HDAC4: variants seen among roughly 807,000 people sequenced by gnomAD.
HDAC4 encodes the protein histone deacetylase A.
Under a neutral mutation model 135.1 loss-of-function variants are expected in HDAC4, and 16 were observed. That is an observed-to-expected ratio of 0.12 (90% CI 0.08 to 0.18). The LOEUF is 0.18. HDAC4 is among the 10% of genes least tolerant of loss of function. HDAC4 has a pLI of 1.00. For synonymous variants in HDAC4, 685 were observed against 653.4 expected (o/e 1.05, Z -0.74); for missense variants, 1,143 against 1,511.8 (o/e 0.76, Z 4.05).
At chr2:239,086,694 C>T (rs1247935882) in intron 19 of HDAC4, among the ~76,000 whole-genome samples, 1 of 152,232 alleles carries the variant, frequency 6.6e-6, no homozygotes, top group African/African-American at 2.4e-5. Flanking sequence ...GTTCTGACTG[C>T]TTCCTGGCCA....
chr2:239,333,255 T>C (rs1371713283), intron 2 of HDAC4, among the ~76,000 whole-genome samples: 1 of 151,912 alleles, frequency 6.6e-6, no homozygotes, highest in African/African-American at 2.4e-5. Flanking sequence ...GATTTTACAT[T>C]AAGTGGTTGG....
At chr2:239,282,440 GCACTCTCAATGTACATAC>G (rs2050839150) in intron 2 of HDAC4, among the ~76,000 whole-genome samples, 2 of 122,062 alleles carry the variant, frequency 1.6e-5, no homozygotes, top group Admixed American at 8.7e-5. Context: ...AATGTACACA[GCACTCTCAATGTACATAC>G]CACTCTCAAT....
At chr2:239,142,304 G>A (rs1200962818) in intron 8 of HDAC4, among the ~76,000 whole-genome samples, 1 of 152,134 alleles carries the variant, frequency 6.6e-6, no homozygotes, top group Non-Finnish European at 1.5e-5. Context: ...CCTAATACCT[G>A]TCTTCTGGAA....
At chr2:239,189,731 A>G in intron 4 of HDAC4, 102 bp downstream of exon 4, 3 of 1,156,760 alleles carry the variant, frequency 2.6e-6, no homozygotes, top group Non-Finnish European at 3.7e-6. Flanking sequence ...ACCCTGCATC[A>G]TGCCTGGGGC....
At chr2:239,328,331 C>T (rs767135676) in intron 2 of HDAC4, among the ~76,000 whole-genome samples, 7 of 152,170 alleles carry the variant, frequency 4.6e-5, no homozygotes, top group South Asian at 2.1e-4. Context: ...GAATGTAGTC[C>T]GGGACCTCCT....
intron 6 of HDAC4, among the ~76,000 whole-genome samples, chr2:239,160,313 G>C (rs1233778466): frequency 6.6e-6 from 1 of 152,218 alleles, no homozygotes; most frequent in Non-Finnish European, 1.5e-5. Flanking sequence ...TCCATGCTCT[G>C]CATCTATGGC....
At chr2:239,291,013 AAAAGG>A (rs1367704040) in intron 2 of HDAC4, among the ~76,000 whole-genome samples, 24 of 152,252 alleles carry the variant, frequency 1.6e-4, no homozygotes, top group African/African-American at 5.1e-4. Flanking sequence ...AACCGAGGAC[AAAAGG>A]AAAGAGCCGT....
chr2:239,397,790 G>A (rs1426939160), intron 1 of HDAC4, among the ~76,000 whole-genome samples: 1 of 152,118 alleles, frequency 6.6e-6, no homozygotes, highest in East Asian at 1.9e-4. Context: ...GTTAAGGTCT[G>A]TTCAAAGGTA....
intron 6 of HDAC4, among the ~76,000 whole-genome samples, chr2:239,157,138 T>G (rs1226826426): frequency 6.6e-6 from 1 of 151,996 alleles, no homozygotes; most frequent in East Asian, 1.9e-4. Flanking sequence ...CTATCCCCGG[T>G]GGGGAGAGGA....
chr2:239,067,409 C>A (rs762071031), intron 23 of HDAC4, among the ~76,000 whole-genome samples: 2 of 152,140 alleles, frequency 1.3e-5, no homozygotes, highest in Non-Finnish European at 2.9e-5. Context: ...CAGGCCGGTG[C>A]TGATTAGAGA....
chr2:239,202,500 C>T (rs888466588), intron 3 of HDAC4, among the ~76,000 whole-genome samples: 2 of 152,206 alleles, frequency 1.3e-5, no homozygotes, highest in South Asian at 2.1e-4. Flanking sequence ...TCTATCGGGG[C>T]GACAGCAGGA....
rs758388162 is a variant in HDAC4 at position 239,068,091 on chromosome 2, A to G, written c.2869+398T>C. Among the ~76,000 whole-genome samples, 1 of 152,076 alleles carries G rather than the reference A, an allele frequency of 6.6e-6. No individual in the cohort carries two copies. The highest frequency in any genetic ancestry group is 1.5e-5 in the Non-Finnish European group (1 of 68,002). ...GCTCCCTCATCCAACTCTGAACTCA[A>G]CTGTGCCCCCAGCAACTTCCCTTTA... is the stretch of plus-strand genomic sequence containing the variant. On this transcript the variant is annotated intron_variant, in intron 23 of 26. Coordinates refer to ENST00000543185, the MANE Select transcript of HDAC4 (RefSeq NM_001378414.1). This position sits in a 1 kb window ranked among gnomAD's most constrained non-coding sequence, Gnocchi z 4.4.
intron 8 of HDAC4, among the ~76,000 whole-genome samples, chr2:239,142,065 C>G (rs186999863): frequency 5.1e-4 from 77 of 151,974 alleles, no homozygotes; most frequent in Non-Finnish European, 9.9e-4. Flanking sequence ...GGAAGGCGTG[C>G]AGAGTGAGAG....
chr2:239,156,383 AAG>A (rs1446181457), intron 7 of HDAC4, among the ~76,000 whole-genome samples: 1 of 152,196 alleles, frequency 6.6e-6, no homozygotes, highest in Non-Finnish European at 1.5e-5. Context: ...ACACCACCGA[AAG>A]AAAACTAAAC....
intron 2 of HDAC4, among the ~76,000 whole-genome samples, chr2:239,253,089 A>T (rs2048872185): frequency 6.6e-6 from 1 of 152,228 alleles, no homozygotes; most frequent in South Asian, 2.1e-4. Flanking sequence ...TAAGCTCATG[A>T]CATATTTTCA....
chr2:239,078,222 TA>T (rs1289801200), intron 22 of HDAC4, among the ~76,000 whole-genome samples: 1 of 152,198 alleles, frequency 6.6e-6, no homozygotes, highest in Non-Finnish European at 1.5e-5. Context: ...TGGTTTGAAT[TA>T]AGGTTCCCTT....
intron 3 of HDAC4, among the ~76,000 whole-genome samples, chr2:239,202,266 T>TA (rs2045801659): frequency 6.6e-6 from 1 of 152,196 alleles, no homozygotes; most frequent in Non-Finnish European, 1.5e-5. Context: ...CAGGAAAGCC[T>TA]AATGAGAGTA....
chr2:239,246,777 A>G (rs2048488899), intron 2 of HDAC4, among the ~76,000 whole-genome samples: 2 of 152,236 alleles, frequency 1.3e-5, no homozygotes, highest in South Asian at 4.1e-4. Flanking sequence ...TGAAGCGTTC[A>G]TAAGTGATTT....
intron 3 of HDAC4, among the ~76,000 whole-genome samples, chr2:239,225,595 C>CGGGGAAGGCAGGTCGGCA (rs2047196283): frequency 6.6e-6 from 1 of 152,166 alleles, no homozygotes; most frequent in Admixed American, 6.5e-5. Flanking sequence ...GCCAGGAAGG[C>CGGGGAAGGCAGGTCGGCA]GGGGAAGGCA....
Sources: allele counts gnomAD v4.1 joint callset (sites outside exome capture counted in the v4.1 genomes callset), GRCh38; gene constraint gnomAD v4.1.1; non-coding constraint Gnocchi (gnomAD v3.1); transcripts MANE v1.5; gene names NCBI Gene and HGNC (gene_info 2026-07-23, HGNC 2026-07-21).